Variants in FYCO1 observed in about 807,000 individuals in gnomAD.
The protein encoded by FYCO1 is FYVE and coiled-coil domain autophagy adaptor 1.
FYCO1 carries 122 observed loss-of-function variants against 165.1 expected under a neutral mutation model. That is an observed-to-expected ratio of 0.74 (90% CI 0.64 to 0.86). The LOEUF is 0.86. Among genes scored for constraint, FYCO1 ranks in the 40% least tolerant of loss-of-function variants. The pLI, the probability that FYCO1 is intolerant of heterozygous loss-of-function variation, is 0.00. For missense variants in FYCO1, 1,702 were observed against 1,810.3 expected (o/e 0.94, Z 1.09); for synonymous variants, 648 against 742.5 (o/e 0.87, Z 2.07).
intron 1 of FYCO1, among the ~76,000 whole-genome samples, chr3:45,988,026 A>T (rs1206624143): frequency 6.6e-6 from 1 of 152,158 alleles, no homozygotes; most frequent in Non-Finnish European, 1.5e-5. Context: ...GCTGGTGTCA[A>T]GTTCCCAGGT....
intron 5 of FYCO1, among the ~76,000 whole-genome samples, chr3:45,974,711 C>T (rs1177729172): frequency 6.6e-6 from 1 of 152,200 alleles, no homozygotes; most frequent in African/African-American, 2.4e-5. Context: ...CCTCTCTCCT[C>T]CCTTCTCTCT....
At chr3:45,936,319 AAG>A (rs869275302) in intron 15 of FYCO1, 127 bp downstream of exon 15, 7 of 547,848 alleles carry the variant, frequency 1.3e-5, no homozygotes, top group Admixed American at 2.4e-5. Flanking sequence ...CCTGAAAAAA[AAG>A]AATAAACGAA....
intron 6 of FYCO1, among the ~76,000 whole-genome samples, chr3:45,972,819 C>G (rs1478245565): frequency 6.6e-6 from 1 of 152,162 alleles, no homozygotes; most frequent in Non-Finnish European, 1.5e-5. Flanking sequence ...ACAACAAGTG[C>G]CTTAAAAAAA....
At chr3:45,953,771 G>A (rs1402041473) in intron 14 of FYCO1, among the ~76,000 whole-genome samples, 1 of 152,192 alleles carries the variant, frequency 6.6e-6, no homozygotes, top group Non-Finnish European at 1.5e-5. Context: ...CTAGGTGAGT[G>A]GAAAGTCCCT....
At position 45,936,489 on chromosome 3, in the gene FYCO1, C is replaced by A. The variant is rs751515767; in HGVS notation, c.3999G>T (p.Gly1333=). The change falls in exon 15 of 18, where the codon GGG becomes GGT. Residue 1333 remains glycine, a synonymous_variant. Transcript: ENST00000296137. Reference sequence around the variant, plus strand: ...TCAGCAGGCAGATTTCCGAATCCTGCCCCACGGGCATGTCTTCAGTGTCCT... The same window carrying A: ...TCAGCAGGCAGATTTCCGAATCCTGACCCACGGGCATGTCTTCAGTGTCCT... ...TPEDTEDMPV[G]QDSEICLLKS... is the part of the protein sequence containing the mutation. The A allele has an allele frequency of 1.2e-6, 2 of 1,614,018 alleles. No homozygotes were observed. Among genetic ancestry groups the A allele is most frequent in the Non-Finnish European group, 1.7e-6 (2 of 1,179,862 alleles).
Position 45,959,374 on chromosome 3 carries a change from C to A in FYCO1, c.3587+19G>T. Reference sequence around the variant, plus strand: ...GCCCCACCAGGGTGTTGGTGCCAACCCACGAGCTCCCTGCTGACCTGCAGT... The same window carrying A: ...GCCCCACCAGGGTGTTGGTGCCAACACACGAGCTCCCTGCTGACCTGCAGT... On this transcript the variant is annotated intron_variant, in intron 12 of 17. Coordinates refer to ENST00000296137, the MANE Select transcript of FYCO1 (RefSeq NM_024513.4). 1.2e-6 allele frequency: 2 copies of A among 1,613,684 alleles called. No individual in the cohort carries two copies. The highest frequency in any genetic ancestry group is 1.7e-6 in the Non-Finnish European group (2 of 1,179,948).
intron 3 of FYCO1, among the ~76,000 whole-genome samples, chr3:45,980,213 G>A (rs1706976340): frequency 6.6e-6 from 1 of 152,108 alleles, no homozygotes; most frequent in Non-Finnish European, 1.5e-5. Context: ...GCTGGGTGTG[G>A]TGGCGGGCGC....
chr3:45,952,137 G>A (rs534714104), intron 14 of FYCO1, among the ~76,000 whole-genome samples: 42 of 152,328 alleles, frequency 2.8e-4, no homozygotes, highest in Non-Finnish European at 5.1e-4. Flanking sequence ...GGGCTGCACA[G>A]GGACTAGTGA....
rs779425055 is a variant in FYCO1 at position 45,962,342 on chromosome 3, T to C, written c.3320A>G (p.Asn1107Ser). The C allele has an allele frequency of 3.7e-6, 6 of 1,614,136 alleles. No individual in the cohort carries two copies. The highest frequency in any genetic ancestry group is 5.1e-6 in the Non-Finnish European group (6 of 1,179,978). The change falls in exon 11 of 18, where the codon AAC becomes AGC. Residue 1107 changes from asparagine to serine, a missense_variant. Coordinates refer to ENST00000296137, the MANE Select transcript of FYCO1 (RefSeq NM_024513.4). The surrounding 1 kb of genome is among the most constrained non-coding windows in gnomAD (Gnocchi z 4.4). ...ATTTGTCACCTCCTGGCAGAGTTTG[T>C]TGTAATACTCTTGGATTTTTGTTGT... ...KATTKIQEYY[N>S]KLCQEVTNRE...
chr3:45,981,733 A>G (rs1056874707), intron 2 of FYCO1, 57 bp from the exon 3 acceptor site: 1 of 1,211,968 alleles, frequency 8.3e-7, no homozygotes, highest in African/African-American at 1.5e-5. Context: ...CAGACAGAGA[A>G]GCAGAAATAA....
In FYCO1 at chr3:45,968,577, T is replaced by C. The variant is rs763243789; in HGVS notation, c.757A>G (p.Met253Val). ...EVREKQLRER[M>V]QQLDRENQEL... ...TGGTTCTCTCTGTCCAGCTGCTGCA[T>C]GCGCTCCCGTAGCTGCTTCTCCCGC... Residue 253 changes from methionine (M) to valine (V), a missense_variant, in exon 8 of 18, where the codon ATG (methionine) becomes GTG (valine). Physicochemically the swap from Met to Val is conservative, Grantham distance 21 (BLOSUM62 1). Coordinates refer to ENST00000296137, the MANE Select transcript of FYCO1 (RefSeq NM_024513.4). The C allele has an allele frequency of 3.1e-6, 5 of 1,613,866 alleles. No homozygotes were observed. The African/African-American group carries it at 5.3e-5, about 17-fold the overall frequency.
intron 14 of FYCO1, among the ~76,000 whole-genome samples, chr3:45,954,635 C>T (rs1705212809): frequency 6.6e-6 from 1 of 152,206 alleles, no homozygotes; most frequent in Non-Finnish European, 1.5e-5. Flanking sequence ...TGCTGAAGCC[C>T]TAAGCACCAG....
At chr3:45,976,978 G>A (rs1706792050) in intron 4 of FYCO1, among the ~76,000 whole-genome samples, 2 of 152,218 alleles carry the variant, frequency 1.3e-5, no homozygotes, top group South Asian at 2.1e-4. Context: ...AAACCACCAT[G>A]ACATGTCTGC....
Position 45,966,477 on chromosome 3 carries a change from C to G in FYCO1, c.2857G>C (p.Gly953Arg). ...EREGLERQVA[G>R]LQQEKESLQE... The stretch of plus-strand genomic sequence containing the variant: ...AAGCTCTCCTTCTCTTGCTGCAGCC[C>G]AGCTACTTGGCGCTCCAGGCCCTCT... Residue 953 changes from glycine to arginine, a missense_variant, in exon 8 of 18, where the codon GGG becomes CGG. Coordinates refer to ENST00000296137, the MANE Select transcript of FYCO1 (RefSeq NM_024513.4). 1 of 1,610,444 alleles carries G rather than the reference C, an allele frequency of 6.2e-7. No homozygotes were observed. The highest frequency in any genetic ancestry group is 8.5e-7 in the Non-Finnish European group (1 of 1,177,034).
Position 45,966,987 on chromosome 3 carries a change from C to T in FYCO1, c.2347G>A (p.Gly783Arg), listed in dbSNP as rs376610174. The part of the protein sequence containing the change: ...LSQAQLEVHQ[G>R]EVQRLQAQVV... ...TGAGCCTGCAGCCGTTGGACCTCCC[C>T]CTGATGGACTTCCAGCTGCGCCTGA... is the stretch of plus-strand genomic sequence containing the variant. The change falls in exon 8 of 18, where the codon GGG becomes AGG. Residue 783 changes from glycine (G) to arginine (R), a missense_variant. By Grantham distance (125) the Gly-to-Arg change is moderately radical. Coordinates refer to ENST00000296137, the MANE Select transcript of FYCO1 (RefSeq NM_024513.4). 1.2e-6 allele frequency: 2 copies of T among 1,613,132 alleles called. No individual in the cohort carries two copies. The highest frequency in any genetic ancestry group is 1.7e-5 in the Admixed American group (1 of 60,010).
At chr3:45,956,485 G>A (rs1477688987) in intron 13 of FYCO1, among the ~76,000 whole-genome samples, 1 of 152,194 alleles carries the variant, frequency 6.6e-6, no homozygotes, top group Non-Finnish European at 1.5e-5. Context: ...TGTTTAGCAA[G>A]AAAAATGGTT....
rs1426257100 is a variant in FYCO1 at position 45,966,614 on chromosome 3, T to A, written c.2720A>T (p.Glu907Val). The A allele has an allele frequency of 1.2e-6, 2 of 1,614,172 alleles. No homozygotes were observed. Among genetic ancestry groups the A allele is most frequent in the Non-Finnish European group, 8.5e-7 (1 of 1,180,038 alleles). The change falls in exon 8 of 18, where the codon GAG becomes GTG. Residue 907 changes from glutamate (E) to valine (V), a missense_variant. Transcript: ENST00000296137. ...CAGTGCGCAAACCTGGATGCCCAGC[T>A]CAGCTGTGTCTGTGTTGGCCCGGTG... ...QLHRANTDTAELGIQVCALTV... is the reference protein window; with the variant it reads ...QLHRANTDTAVLGIQVCALTV...
At chr3:45,924,112 A>G (rs907318793) in intron 16 of FYCO1, among the ~76,000 whole-genome samples, 8 of 152,314 alleles carry the variant, frequency 5.3e-5, no homozygotes, top group African/African-American at 1.9e-4. Flanking sequence ...GGTGGGATCC[A>G]TCTGTCCAGC....
intron 16 of FYCO1, among the ~76,000 whole-genome samples, chr3:45,929,464 C>CCACAAA (rs1368952995): frequency 6.6e-6 from 1 of 152,204 alleles, no homozygotes; most frequent in Non-Finnish European, 1.5e-5. Context: ...TCCCTCCCTG[C>CCACAAA]CACAAACACT....
Sources: allele counts gnomAD v4.1 joint callset (sites outside exome capture counted in the v4.1 genomes callset), GRCh38; gene constraint gnomAD v4.1.1; non-coding constraint Gnocchi (gnomAD v3.1); transcripts MANE v1.5; gene names NCBI Gene and HGNC (gene_info 2026-07-23, HGNC 2026-07-21).